CCDC149: variants seen among roughly 807,000 people sequenced by gnomAD.
The protein encoded by CCDC149 is coiled-coil domain-containing protein 149.
In CCDC149, 45 loss-of-function variants were observed where a neutral mutation model predicts 59.9. That is an observed-to-expected ratio of 0.75 (90% confidence interval 0.59 to 0.96). The LOEUF (loss-of-function observed/expected upper bound fraction) is 0.96. Ranked by LOEUF, CCDC149 falls within the 40% of genes least tolerant of loss-of-function variation. The probability of loss-of-function intolerance (pLI) is 0.00; values close to 1 mark genes in which losing one functional copy is unlikely to be tolerated. For synonymous variants in CCDC149, 245 were observed against 260.6 expected, an observed-to-expected ratio of 0.94 and a Z score of 0.58; for missense variants, 584 against 664.7, an observed-to-expected ratio of 0.88 and a Z score of 1.33.
rs1004061247 is a variant in CCDC149, at chr4:24,822,526, A to G, written c.1013T>C (p.Leu338Pro). The change falls in exon 10 of 13, where the codon CTG becomes CCG. Residue 338 changes from leucine to proline, a missense_variant. Physicochemically the swap from Leu to Pro is moderately conservative, Grantham distance 98 (BLOSUM62 -3). Coordinates refer to ENST00000635206, the MANE Select transcript of CCDC149 (RefSeq NM_001330643.2). ...AAGACTCCACAAACCAGAAACTTCC[A>G]GAGTTCTTAATTTTTTTTCCAGCTC... The G allele has an allele frequency of 6.5e-7, 1 of 1,538,948 alleles. No homozygotes were observed. The highest frequency in any genetic ancestry group is 8.8e-7 in the Non-Finnish European group (1 of 1,141,524).
At position 24,837,424 on chromosome 4, in the gene CCDC149, A is replaced by G. The variant is rs761029952; in HGVS notation, c.490-24T>C. 95 of 1,611,962 alleles carry G rather than the reference A, an allele frequency of 5.9e-5. 5 individuals carry two copies. In the South Asian group the frequency reaches 1.0e-3, roughly 18 times the overall value. Reference sequence around the variant, plus strand: ...ATCTAAAACCACAGGGAGAGCCCTTACTCAAGATGTTCCTCAGGCTCCAGC... The same window carrying G: ...ATCTAAAACCACAGGGAGAGCCCTTGCTCAAGATGTTCCTCAGGCTCCAGC... On this transcript the variant is annotated intron_variant, in intron 5 of 12. Coordinates refer to ENST00000635206, the MANE Select transcript of CCDC149 (RefSeq NM_001330643.2). The surrounding 1 kb of genome is among the most constrained non-coding windows in gnomAD (Gnocchi z 4.3).
At chr4:24,805,682 G>A (rs1267501473), downstream of CCDC149, among the ~76,000 whole-genome samples, 2 of 152,208 alleles carry the variant, frequency 1.3e-5, no homozygotes, top group Non-Finnish European at 2.9e-5. Flanking sequence ...ACATCATCAT[G>A]TGACAAGGTC....
chr4:24,849,942 A>G (rs1019810703), intron 4 of CCDC149, among the ~76,000 whole-genome samples: 12 of 152,160 alleles, frequency 7.9e-5, no homozygotes, highest in African/African-American at 2.9e-4. Flanking sequence ...CTTGTCCCCC[A>G]AGGCTCAGCA....
intron 1 of CCDC149, among the ~76,000 whole-genome samples, chr4:24,926,840 A>T (rs1428531943): frequency 6.6e-6 from 1 of 152,150 alleles, no homozygotes; most frequent in Non-Finnish European, 1.5e-5. Context: ...CTGGGCTGGG[A>T]GAACTTGAAG....
At chr4:24,962,383 C>A (rs1723658854) in intron 1 of CCDC149, among the ~76,000 whole-genome samples, 1 of 152,122 alleles carries the variant, frequency 6.6e-6, no homozygotes, top group South Asian at 2.1e-4. Flanking sequence ...CTAGTTCAAC[C>A]ATTGTGGAAG....
intron 1 of CCDC149, among the ~76,000 whole-genome samples, chr4:24,947,144 C>T (rs1723134297): frequency 6.6e-6 from 1 of 152,116 alleles, no homozygotes. Flanking sequence ...TTCATCCTTG[C>T]TTTTTGCTTA....
chr4:24,831,651 C>T lies in CCDC149; in HGVS notation c.821-1G>A. 1 of 1,613,342 alleles carries T rather than the reference C, an allele frequency of 6.2e-7. No individual in the cohort carries two copies. Among genetic ancestry groups the T allele is most frequent in the Non-Finnish European group, 8.5e-7 (1 of 1,179,736 alleles). ...TGATCCTCAGATAGCAGATCCTGAACTAGATAGGATACAAAATGTATAACT... is the reference window on the plus strand; with the variant it reads ...TGATCCTCAGATAGCAGATCCTGAATTAGATAGGATACAAAATGTATAACT... On this transcript the variant is annotated splice_acceptor_variant, in intron 8 of 12. Coordinates refer to ENST00000635206, the MANE Select transcript of CCDC149 (RefSeq NM_001330643.2). LOFTEE classifies it high-confidence loss of function.
At chr4:24,895,312 G>A (rs1720785047) in intron 1 of CCDC149, among the ~76,000 whole-genome samples, 1 of 152,156 alleles carries the variant, frequency 6.6e-6, no homozygotes, top group South Asian at 2.1e-4. Flanking sequence ...GCACTGAGCT[G>A]TACACTTAAA....
chr4:24,902,469 T>C (rs1721223734), intron 1 of CCDC149, among the ~76,000 whole-genome samples: 3 of 152,338 alleles, frequency 2.0e-5, no homozygotes, highest in South Asian at 4.1e-4. Flanking sequence ...CCAATCTCAT[T>C]GCCTGCTGTA....
intron 9 of CCDC149, chr4:24,829,780 C>T (rs1462808446): frequency 2.0e-5 from 3 of 152,238 alleles, no homozygotes; most frequent in African/African-American, 7.2e-5. Flanking sequence ...CAAGTGTCCC[C>T]ACCCCCCAGC....
At chr4:24,857,928 G>A (rs1718125252) in intron 3 of CCDC149, among the ~76,000 whole-genome samples, 1 of 151,970 alleles carries the variant, frequency 6.6e-6, no homozygotes, top group Non-Finnish European at 1.5e-5. Flanking sequence ...TTTCTATTCA[G>A]TCCCTCCACC....
chr4:24,867,996 G>A (rs901821092), intron 3 of CCDC149, among the ~76,000 whole-genome samples: 10 of 152,118 alleles, frequency 6.6e-5, no homozygotes, highest in Non-Finnish European at 1.0e-4. Flanking sequence ...CTGTTAACTC[G>A]GCAGCTGGTT....
intron 1 of CCDC149, among the ~76,000 whole-genome samples, chr4:24,920,899 C>T (rs1722265978): frequency 6.6e-6 from 1 of 151,864 alleles, no homozygotes; most frequent in Non-Finnish European, 1.5e-5. Context: ...TAGGAGAGTT[C>T]CTAAAGAAAT....
Position 24,813,498 on chromosome 4 carries a change from A to ATCTATATCTATCTATCTATC in CCDC149, c.1193-4680_1193-4679insGATAGATAGATAGATATAGA, listed in dbSNP as rs1560197566. On this transcript the variant is annotated intron_variant, in intron 12 of 12. Transcript: ENST00000635206. ...AAGGTTCAGCTTGGGGAATATATAT[A>ATCTATATCTATCTATCTATC]TATATATATATATATATATATATAT... 2.8e-3 allele frequency among the ~76,000 whole-genome samples: 41 copies of ATCTATATCTATCTATCTATC among 14,506 alleles called. 1 individual carries two copies. Among genetic ancestry groups the ATCTATATCTATCTATCTATC allele is most frequent in the African/African-American group, 6.5e-3 (41 of 6,270 alleles). The allele number at this position is 14,506 out of a possible 152,430, so 9.5% of individuals were successfully genotyped here. A position where few individuals can be genotyped will look rare whatever the true frequency, so the allele number is the denominator to read the frequency against.
chr4:24,853,827 G>A (rs932256553), intron 3 of CCDC149, among the ~76,000 whole-genome samples: 4 of 152,130 alleles, frequency 2.6e-5, no homozygotes, highest in Non-Finnish European at 4.4e-5. Context: ...AGTCAGTGAC[G>A]AGCAACAATC....
chr4:24,815,416 C>T (rs539888716), intron 12 of CCDC149, among the ~76,000 whole-genome samples: 5 of 152,232 alleles, frequency 3.3e-5, no homozygotes, highest in African/African-American at 9.6e-5. Context: ...TCAAAATGAG[C>T]AGGTTTCCAG....
At chr4:24,898,205 G>A (rs767933089) in intron 1 of CCDC149, among the ~76,000 whole-genome samples, 4 of 152,206 alleles carry the variant, frequency 2.6e-5, no homozygotes, top group East Asian at 1.9e-4. Flanking sequence ...TAGGAGCATC[G>A]CCTCACCTGG....
intron 2 of CCDC149, among the ~76,000 whole-genome samples, chr4:24,875,157 C>T (rs918427084): frequency 1.3e-5 from 2 of 151,942 alleles, no homozygotes; most frequent in African/African-American, 4.8e-5. Context: ...GGTGAAACCC[C>T]GTCTCTACTA....
chr4:24,886,695 A>G (rs1720198082), intron 1 of CCDC149, among the ~76,000 whole-genome samples: 1 of 152,178 alleles, frequency 6.6e-6, no homozygotes, highest in Admixed American at 6.5e-5. Context: ...ATCATTCAAT[A>G]ATAATCCTTT....
Sources: gnomAD v4.1 joint callset for allele counts (sites outside exome capture counted in the v4.1 genomes callset) on GRCh38, gnomAD v4.1.1 for gene constraint, Gnocchi (gnomAD v3.1) non-coding constraint, MANE v1.5 for transcripts, NCBI Gene and HGNC (gene_info 2026-07-23, HGNC 2026-07-21) for gene names.